Variants in MAP3K11 observed in about 807,000 individuals in gnomAD.
MAP3K11 encodes mitogen-activated protein kinase kinase kinase 11.
Under a neutral mutation model 84.9 loss-of-function variants are expected in MAP3K11, and 46 were observed. That is an observed-to-expected ratio of 0.54 (90% confidence interval 0.43 to 0.69). The LOEUF (loss-of-function observed/expected upper bound fraction) is 0.69. Among genes scored for constraint, MAP3K11 ranks in the 30% least tolerant of loss-of-function variants. The pLI is 0.00. For synonymous variants in MAP3K11, 527 were observed against 514.7 expected (o/e 1.02, Z -0.32); for missense variants, 1,053 against 1,198.3 (o/e 0.88, Z 1.79).
At chr11:65,609,285 G>A (rs1854546164) in intron 1 of MAP3K11, 1 of 152,122 alleles carries the variant, frequency 6.6e-6, no homozygotes, top group Admixed American at 6.5e-5. Flanking sequence ...GGCCCCTAGT[G>A]CCCACATCAC....
At position 65,599,588 on chromosome 11, in the gene MAP3K11, C is replaced by T. The variant is rs781052493; in HGVS notation, c.2012G>A (p.Arg671His). The T allele has an allele frequency of 2.8e-5, 43 of 1,519,242 alleles. No homozygotes were observed. In the East Asian group the frequency reaches 3.0e-4, roughly 11 times the overall value. The allele number at this position is 1,519,242 out of a possible 1,614,324, so 94.1% of individuals were successfully genotyped here. The change falls in exon 9 of 10, where the codon CGC (arginine) becomes CAC (histidine). Residue 671 changes from arginine (R) to histidine (H), a missense_variant. Around this residue, in one of 3 missense-constraint regions of MAP3K11, gnomAD observed 583 missense variants for 566.6 expected, o/e 1.03. Coordinates refer to ENST00000309100, the MANE Select transcript of MAP3K11 (RefSeq NM_002419.4). The stretch of plus-strand genomic sequence containing the variant: ...GGGGGGTGTTGTCGGGGACTCCCCG[C>T]GCTCGCGTCCTGGGCCTCCCGGCGG... ...LQPPGGPGRE[R>H]GESPTTPPTP...
chr11:65,607,684 C>T lies in MAP3K11; in HGVS notation c.1202G>A (p.Arg401His), dbSNP rs755142176. The T allele has an allele frequency of 6.2e-7, 1 of 1,613,174 alleles. No homozygotes were observed. Among genetic ancestry groups the T allele is most frequent in the Non-Finnish European group, 8.5e-7 (1 of 1,179,348 alleles). The change falls in exon 4 of 10, where the codon CGC (arginine) becomes CAC (histidine). Residue 401 changes from arginine (R) to histidine (H), a missense_variant. By Grantham distance (29) the Arg-to-His change is conservative. Transcript: ENST00000309100. ...SFHSMQEGWK[R>H]EIQGLFDELR... ...CTCGTCGAAGAGACCCTGGATCTCG[C>T]GCTTCCAGCCTTCCTGCATGGAATG...
chr11:65,610,562 G>C (rs555812807), intron 1 of MAP3K11: 1 of 152,368 alleles, frequency 6.6e-6, no homozygotes, highest in South Asian at 2.1e-4. Flanking sequence ...GCAAGCCCCC[G>C]ACGACAAGCT....
intron 1 of MAP3K11, chr11:65,610,364 G>C (rs570803239): frequency 6.6e-6 from 1 of 152,232 alleles, no homozygotes; most frequent in Non-Finnish European, 1.5e-5. Flanking sequence ...GCTGTCACGA[G>C]CATGAAACAA....
At chr11:65,610,016 A>G (rs1410241883) in intron 1 of MAP3K11, 2 of 152,432 alleles carry the variant, frequency 1.3e-5, no homozygotes, top group African/African-American at 4.8e-5. Context: ...ACCTTCAGCC[A>G]TTTCGGCGCT....
Position 65,599,608 on chromosome 11 carries a change from C to T in MAP3K11, c.1992G>A (p.Pro664=), listed in dbSNP as rs773986232. 6.6e-5 allele frequency: 101 copies of T among 1,540,884 alleles called. No homozygotes were observed. The highest frequency in any genetic ancestry group is 1.7e-4 in the African/African-American group (12 of 70,018). The change falls in exon 9 of 10, where the codon CCG becomes CCA. Residue 664 remains proline (P), a synonymous_variant. Coordinates refer to ENST00000309100, the MANE Select transcript of MAP3K11 (RefSeq NM_002419.4). ...SLGLGRDLQP[P]GGPGRERGES... The stretch of plus-strand genomic sequence containing the variant: ...CCCCGCGCTCGCGTCCTGGGCCTCC[C>T]GGCGGCTGCAGGTCGCGGCCAAGGC...
At chr11:65,604,238 C>A (rs1854483819) in intron 8 of MAP3K11, among the ~76,000 whole-genome samples, 1 of 152,270 alleles carries the variant, frequency 6.6e-6, no homozygotes, top group South Asian at 2.1e-4. Flanking sequence ...AACGATGGGG[C>A]CCAGGCCCCT....
chr11:65,603,367 C>T (rs1028861022), intron 8 of MAP3K11, among the ~76,000 whole-genome samples: 2 of 152,260 alleles, frequency 1.3e-5, no homozygotes, highest in African/African-American at 2.4e-5. Context: ...AAACTGCTTC[C>T]GTGAGGTCTC....
rs756887799 is a variant in MAP3K11 at position 65,598,439 on chromosome 11, C to T, written c.2396G>A (p.Arg799His). 8.7e-6 allele frequency: 14 copies of T among 1,607,370 alleles called. No individual in the cohort carries two copies. The highest frequency in any genetic ancestry group is 1.1e-5 in the Non-Finnish European group (13 of 1,176,358). ...SPLPSPQPAPRRAPWTLFPDS... is the reference protein window; with the variant it reads ...SPLPSPQPAPHRAPWTLFPDS... ...CGGGAACAAGGTCCAGGGTGCTCGG[C>T]GGGGTGCAGGCTGTGGTGATGGCAG... The change falls in exon 10 of 10, where the codon CGC (arginine) becomes CAC (histidine). Residue 799 changes from arginine to histidine, a missense_variant. Transcript: ENST00000309100.
chr11:65,607,342 G>A lies in MAP3K11; in HGVS notation c.1417C>T (p.Arg473Cys). The change falls in exon 5 of 10, where the codon CGC becomes TGC. Residue 473 changes from arginine to cysteine, a missense_variant. Transcript: ENST00000309100. ...CTGCGCTTGAATGTCCCGCGGCGGC[G>A]GCGCACGTGCGGTCGCTCGCGGTCC... Reference protein sequence around the residue: ...QVDRERPHVRRRRGTFKRSKL... With the variant: ...QVDRERPHVRCRRGTFKRSKL... The A allele has an allele frequency of 1.3e-6, 2 of 1,503,392 alleles. No individual in the cohort carries two copies. Among genetic ancestry groups the A allele is most frequent in the Non-Finnish European group, 1.8e-6 (2 of 1,135,370 alleles). 93.1% of individuals were successfully genotyped at this position (1,503,392 alleles called of 1,614,324 possible).
chr11:65,613,760 C>T lies in MAP3K11; in HGVS notation c.-4G>A, dbSNP rs775693055. On this transcript the variant is annotated 5_prime_UTR_variant, in exon 1 of 10. Coordinates refer to ENST00000309100, the MANE Select transcript of MAP3K11 (RefSeq NM_002419.4). ...AGAGGCTCTTCAAGGGCTCCATGGC[C>T]GGGAGCCGGCGCTGGGATGTGTGGA... The T allele has an allele frequency of 2.6e-6, 4 of 1,538,394 alleles. No individual in the cohort carries two copies. Among genetic ancestry groups the T allele is most frequent in the Admixed American group, 1.9e-5 (1 of 52,562 alleles).
At chr11:65,600,706 C>T (rs1854446454) in intron 8 of MAP3K11, among the ~76,000 whole-genome samples, 1 of 152,230 alleles carries the variant, frequency 6.6e-6, no homozygotes, top group Admixed American at 6.5e-5. Context: ...CAGATCCCTC[C>T]TTGGCTCTAG....
chr11:65,613,018 T>G lies in MAP3K11; in HGVS notation c.739A>C (p.Ile247Leu), dbSNP rs1228392066. 1.3e-6 allele frequency: 2 copies of G among 1,518,904 alleles called. No homozygotes were observed. The highest frequency in any genetic ancestry group is 1.8e-6 in the Non-Finnish European group (2 of 1,134,094). The allele number at this position is 1,518,904 out of a possible 1,614,324, so 94.1% of individuals were successfully genotyped here. A position where few individuals can be genotyped will look rare whatever the true frequency, so the allele number is the denominator to read the frequency against. The change falls in exon 1 of 10, where the codon ATT becomes CTT. Residue 247 changes from isoleucine (I) to leucine (L), a missense_variant and splice_region_variant. Around this residue, in one of 3 missense-constraint regions of MAP3K11, gnomAD observed 310 missense variants for 464.5 expected, o/e 0.67. Transcript: ENST00000309100. ...CCCAACCATGCCCCCAGAAACTCAC[T>G]GTTGTTGGACTTGAGATCACGGTGG... is the stretch of plus-strand genomic sequence containing the variant. ...VIHRDLKSNNILLLQPIESDD... is the reference protein window; with the variant it reads ...VIHRDLKSNNLLLLQPIESDD...
chr11:65,604,100 T>C (rs1331628183), intron 8 of MAP3K11, among the ~76,000 whole-genome samples: 3 of 152,286 alleles, frequency 2.0e-5, no homozygotes, highest in Non-Finnish European at 4.4e-5. Flanking sequence ...GAAGAATTTC[T>C]TTGGGTTGAA....
At position 65,613,912 on chromosome 11, in the gene MAP3K11, G is replaced by T; in HGVS notation, c.-156C>A. ...GCCTCTCTGGGGAGCCAGGAGTGTT[G>T]TCTCCCGGCCCCCCGCATCTCGGGC... On this transcript the variant is annotated 5_prime_UTR_variant, in exon 1 of 10. Transcript: ENST00000309100. 1.2e-6 allele frequency: 1 copy of T among 844,766 alleles called. No individual in the cohort carries two copies. The allele number at this position is 844,766 out of a possible 1,614,324, so 52.3% of individuals were successfully genotyped here. A position where few individuals can be genotyped will look rare whatever the true frequency, so the allele number is the denominator to read the frequency against.
chr11:65,603,207 G>A (rs1297304815), intron 8 of MAP3K11, among the ~76,000 whole-genome samples: 3 of 152,254 alleles, frequency 2.0e-5, no homozygotes, highest in African/African-American at 7.2e-5. Flanking sequence ...CTGAGAAACT[G>A]AGGTTCTGAA....
intron 9 of MAP3K11, 59 bp downstream of exon 9, chr11:65,599,335 T>C: frequency 6.8e-7 from 1 of 1,478,910 alleles, no homozygotes; most frequent in Non-Finnish European, 8.9e-7. Context: ...CAGCCACTCC[T>C]CCCTCCCTGG....
chr11:65,599,727 T>C lies in MAP3K11; in HGVS notation c.1873A>G (p.Arg625Gly). 6.3e-7 allele frequency: 1 copy of C among 1,589,474 alleles called. No homozygotes were observed. The highest frequency in any genetic ancestry group is 8.5e-7 in the Non-Finnish European group (1 of 1,175,556). Residue 625 changes from arginine (R) to glycine (G), a missense_variant, in exon 9 of 10, where the codon AGG (arginine) becomes GGG (glycine). By Grantham distance (125) the Arg-to-Gly change is moderately radical. Transcript: ENST00000309100. ...RPSLEPEEPK[R>G]PVPAERGSSS... ...CTACCGCGCTCTGCGGGGACAGGCC[T>C]CTTGGGCTCCTCGGGCTCCAGGCTA...
intron 8 of MAP3K11, among the ~76,000 whole-genome samples, chr11:65,600,202 C>T (rs955690057): frequency 2.0e-5 from 3 of 152,250 alleles, no homozygotes; most frequent in Admixed American, 1.3e-4. Context: ...CTTCTGCCCA[C>T]CCACCCCCGC....
Sources: allele counts gnomAD v4.1 joint callset (sites outside exome capture counted in the v4.1 genomes callset), GRCh38; gene constraint gnomAD v4.1.1; regional missense constraint gnomAD v4.1.1; transcripts MANE v1.5; gene names NCBI Gene and HGNC (gene_info 2026-07-23, HGNC 2026-07-21).